KCNIP4: variants seen among roughly 807,000 people sequenced by gnomAD.
KCNIP4 encodes Kv channel-interacting protein 4.
A neutral mutation model predicts 34.0 loss-of-function variants in KCNIP4; 12 were observed. That is an observed-to-expected ratio of 0.35 (90% CI 0.23 to 0.57). KCNIP4 has a LOEUF of 0.57. KCNIP4 is among the 20% of genes least tolerant of loss of function. KCNIP4 has a pLI of 0.83. For synonymous variants in KCNIP4, 124 were observed against 102.2 expected, an observed-to-expected ratio of 1.21 and a Z score of -1.29; for missense variants, 238 against 311.7, an observed-to-expected ratio of 0.76 and a Z score of 1.78.
At chr4:21,311,285 T>C (rs570975241) in intron 1 of KCNIP4, among the ~76,000 whole-genome samples, 9 of 152,346 alleles carry the variant, frequency 5.9e-5, no homozygotes, top group African/African-American at 1.9e-4. Context: ...GCATCTGCAA[T>C]TGAGGTGGAA....
At chr4:20,953,318 C>A (rs1732973550) in intron 1 of KCNIP4, among the ~76,000 whole-genome samples, 1 of 152,172 alleles carries the variant, frequency 6.6e-6, no homozygotes, top group Admixed American at 6.5e-5. Context: ...TGTTTGACTT[C>A]ATAATGACTA....
At chr4:21,206,813 A>C (rs1410125981) in intron 1 of KCNIP4, among the ~76,000 whole-genome samples, 1 of 152,214 alleles carries the variant, frequency 6.6e-6, no homozygotes, top group Non-Finnish European at 1.5e-5. Context: ...CAATATTCCC[A>C]AGGTCATAAC....
chr4:21,568,558 G>C (rs183522752), intron 1 of KCNIP4, among the ~76,000 whole-genome samples: 4 of 152,238 alleles, frequency 2.6e-5, no homozygotes, highest in South Asian at 2.1e-4. Flanking sequence ...CATAAAAGCA[G>C]GCATGGAAAG....
At chr4:21,801,248 A>T (rs1005753406) in intron 1 of KCNIP4, among the ~76,000 whole-genome samples, 1 of 152,184 alleles carries the variant, frequency 6.6e-6, no homozygotes, top group Non-Finnish European at 1.5e-5. Flanking sequence ...AATTTATGTT[A>T]AAATCGTCAA....
At chr4:21,904,593 T>A (rs528417770) in intron 1 of KCNIP4, among the ~76,000 whole-genome samples, 55 of 152,358 alleles carry the variant, frequency 3.6e-4, no homozygotes, top group Middle Eastern at 3.4e-3. Context: ...AGTGGAGTCA[T>A]CCTGAATTAT....
intron 1 of KCNIP4, among the ~76,000 whole-genome samples, chr4:20,934,338 CTCTT>C (rs550079983): frequency 6.6e-6 from 1 of 152,256 alleles, no homozygotes; most frequent in South Asian, 2.1e-4. Flanking sequence ...ATGAATTTCT[CTCTT>C]AAAGTTTAAT....
chr4:20,809,985 T>C (rs1715524884), intron 3 of KCNIP4, among the ~76,000 whole-genome samples: 1 of 152,196 alleles, frequency 6.6e-6, no homozygotes, highest in South Asian at 2.1e-4. Context: ...CAGAGAAACA[T>C]GATCTCTTCA....
At chr4:21,327,569 AC>A (rs1014506165) in intron 1 of KCNIP4, among the ~76,000 whole-genome samples, 1 of 152,010 alleles carries the variant, frequency 6.6e-6, no homozygotes, top group Non-Finnish European at 1.5e-5. Context: ...AGCTTCTTGT[AC>A]TTGAATAATA....
intron 1 of KCNIP4, among the ~76,000 whole-genome samples, chr4:21,690,821 C>A (rs973614634): frequency 9.2e-5 from 14 of 152,022 alleles, no homozygotes; most frequent in Non-Finnish European, 8.8e-5. Flanking sequence ...TTTCAAATAT[C>A]ATTTAATTTA....
chr4:20,891,005 C>T (rs1417088497), intron 1 of KCNIP4, among the ~76,000 whole-genome samples: 1 of 152,088 alleles, frequency 6.6e-6, no homozygotes, highest in Non-Finnish European at 1.5e-5. Flanking sequence ...AGCGATGGGC[C>T]ATGAATTATG....
At chr4:20,907,779 G>A (rs1361047472) in intron 1 of KCNIP4, among the ~76,000 whole-genome samples, 2 of 151,986 alleles carry the variant, frequency 1.3e-5, no homozygotes, top group African/African-American at 4.8e-5. Context: ...GTGCAGTGGC[G>A]CGATCTCGGC....
intron 1 of KCNIP4, chr4:21,719,164 A>G (rs938404377): frequency 6.6e-6 from 1 of 152,182 alleles, no homozygotes; most frequent in African/African-American, 2.4e-5. Context: ...AAACAGATAC[A>G]CATCTTCAGT....
chr4:20,944,621 G>C (rs189129157), intron 1 of KCNIP4, among the ~76,000 whole-genome samples: 1 of 152,328 alleles, frequency 6.6e-6, no homozygotes, highest in East Asian at 1.9e-4. Flanking sequence ...TCATGGCAGA[G>C]ACAAAGAAGG....
intron 1 of KCNIP4, among the ~76,000 whole-genome samples, chr4:20,942,064 T>C (rs1232990967): frequency 6.6e-6 from 1 of 152,170 alleles, no homozygotes; most frequent in Non-Finnish European, 1.5e-5. Flanking sequence ...GAAATTGTAG[T>C]GTAATGTGAT....
chr4:21,107,443 A>C (rs1173578170), intron 1 of KCNIP4, among the ~76,000 whole-genome samples: 1 of 149,984 alleles, frequency 6.7e-6, no homozygotes, highest in Admixed American at 6.6e-5. Context: ...TTTGTTTTCC[A>C]TTTGCTCGGT....
intron 1 of KCNIP4, among the ~76,000 whole-genome samples, chr4:21,801,884 C>T (rs1721022459): frequency 6.6e-6 from 1 of 151,210 alleles, no homozygotes; most frequent in East Asian, 1.9e-4. Flanking sequence ...TTCTTAAGAG[C>T]TATACAGAGA....
At chr4:21,769,496 G>A (rs1425578643) in intron 1 of KCNIP4, among the ~76,000 whole-genome samples, 4 of 152,086 alleles carry the variant, frequency 2.6e-5, no homozygotes, top group Admixed American at 2.0e-4. Flanking sequence ...TGGTTTGCCT[G>A]TGGTTTTATG....
At chr4:20,969,418 G>T (rs1291570797) in intron 1 of KCNIP4, among the ~76,000 whole-genome samples, 1 of 152,124 alleles carries the variant, frequency 6.6e-6, no homozygotes, top group Non-Finnish European at 1.5e-5. Flanking sequence ...TGTCATTAGG[G>T]CTCACCTTCC....
At chr4:20,795,367 G>A (rs917407072) in intron 3 of KCNIP4, among the ~76,000 whole-genome samples, 11 of 152,048 alleles carry the variant, frequency 7.2e-5, no homozygotes, top group African/African-American at 2.2e-4. Flanking sequence ...AAATACATCC[G>A]AAGCCTATAG....
Sources: gnomAD v4.1 joint callset for allele counts (sites outside exome capture counted in the v4.1 genomes callset) on GRCh38, gnomAD v4.1.1 for gene constraint, MANE v1.5 for transcripts, NCBI Gene and HGNC (gene_info 2026-07-23, HGNC 2026-07-21) for gene names.